Variants in IQSEC1 observed in about 807,000 individuals in gnomAD.
IQSEC1 encodes the protein IQ motif and Sec7 domain ArfGEF 1.
In IQSEC1, 31 loss-of-function variants were observed where a neutral mutation model predicts 91.0. The ratio of observed to expected loss-of-function variants is 0.34; its 90% CI spans 0.26 to 0.46. The LOEUF (loss-of-function observed/expected upper bound fraction) is 0.46, where lower values mean the gene tolerates loss of function less well. Among genes scored for constraint, IQSEC1 ranks in the 20% least tolerant of loss-of-function variants. IQSEC1 has a pLI of 1.00. For synonymous variants in IQSEC1, 699 were observed against 662.6 expected (o/e 1.05, Z -0.84); for missense variants, 1,388 against 1,575.6 (o/e 0.88, Z 2.02).
intron 1 of IQSEC1, among the ~76,000 whole-genome samples, chr3:13,033,389 A>G (rs1178020874): frequency 6.6e-6 from 1 of 152,160 alleles, no homozygotes. Flanking sequence ...TGGAAGTCAG[A>G]GCGAGGCGCA....
chr3:13,119,987 G>C (rs1322816870), intron 2 of IQSEC1, among the ~76,000 whole-genome samples: 2 of 152,208 alleles, frequency 1.3e-5, no homozygotes, highest in South Asian at 2.1e-4. Context: ...GTGGGCCACA[G>C]GGACCCAGAG....
At chr3:13,060,666 T>A (rs1007680026) in intron 1 of IQSEC1, among the ~76,000 whole-genome samples, 7 of 152,198 alleles carry the variant, frequency 4.6e-5, no homozygotes, top group African/African-American at 1.7e-4. Context: ...AAGCCACAGC[T>A]GCTGGGGCAG....
intron 2 of IQSEC1, among the ~76,000 whole-genome samples, chr3:13,121,640 C>G (rs1706424835): frequency 6.6e-6 from 1 of 152,204 alleles, no homozygotes; most frequent in African/African-American, 2.4e-5. Flanking sequence ...ATGCCTCGGG[C>G]AGCCAGGACC....
chr3:12,902,684 A>AAC, intron 13 of IQSEC1, 89 bp downstream of exon 13: 1 of 665,376 alleles, frequency 1.5e-6, no homozygotes, highest in Non-Finnish European at 2.5e-6. Flanking sequence ...AAAAAAAAAA[A>AAC]AAAAAAAAAA....
intron 1 of IQSEC1, among the ~76,000 whole-genome samples, chr3:12,943,248 G>A (rs920367774): frequency 1.3e-5 from 2 of 152,152 alleles, no homozygotes; most frequent in African/African-American, 4.8e-5. Flanking sequence ...TCCCTGCAAT[G>A]TGCACACATT....
chr3:13,195,669 C>G (rs1353632280), intron 1 of IQSEC1, among the ~76,000 whole-genome samples: 1 of 152,086 alleles, frequency 6.6e-6, no homozygotes, highest in Non-Finnish European at 1.5e-5. Flanking sequence ...CTTGCAATGA[C>G]AAAATTACAG....
chr3:13,127,184 A>C (rs1283102914), intron 2 of IQSEC1, among the ~76,000 whole-genome samples: 1 of 152,156 alleles, frequency 6.6e-6, no homozygotes, highest in African/African-American at 2.4e-5. Context: ...AGGCCGAGGC[A>C]GGTGGATCAC....
rs1173115603 is a variant in IQSEC1 at position 13,259,048 on chromosome 3, C to G, written c.272+23663G>C. On this transcript the variant is annotated intron_variant, in intron 1 of 15. Coordinates refer to the IQSEC1 transcript ENST00000648114. This position sits in a 1 kb window ranked among gnomAD's most constrained non-coding sequence, Gnocchi z 4.6. ...TCTTTCCCTATAGTCTATCTCACAC[C>G]ATGGCCAGAGAGGTCTCTCAACATG... Among the ~76,000 whole-genome samples the G allele has an allele frequency of 6.6e-6, 1 of 152,164 alleles. No individual in the cohort carries two copies. The highest frequency in any genetic ancestry group is 1.5e-5 in the Non-Finnish European group (1 of 68,028).
chr3:13,250,527 C>T (rs1477117684), intron 1 of IQSEC1, among the ~76,000 whole-genome samples: 1 of 151,732 alleles, frequency 6.6e-6, no homozygotes, highest in Non-Finnish European at 1.5e-5. Flanking sequence ...CCTCCACCCC[C>T]AGGTTCACAT....
intron 1 of IQSEC1, chr3:13,042,516 T>G (rs1704318577): frequency 6.6e-6 from 1 of 152,254 alleles, no homozygotes; most frequent in African/African-American, 2.4e-5. Context: ...CGGCGCAGCT[T>G]GTACAGTACA....
At chr3:13,113,946 C>T (rs1029597832) in intron 2 of IQSEC1, among the ~76,000 whole-genome samples, 5 of 152,258 alleles carry the variant, frequency 3.3e-5, no homozygotes, top group African/African-American at 1.2e-4. Flanking sequence ...CATGTCAAAA[C>T]GTGCTGGGAG....
intron 1 of IQSEC1, among the ~76,000 whole-genome samples, chr3:13,036,429 A>G (rs561655997): frequency 1.1e-4 from 17 of 152,256 alleles, no homozygotes; most frequent in Non-Finnish European, 2.2e-4. Flanking sequence ...AAACACTCAA[A>G]GAAAGTAATA....
At chr3:12,974,449 C>T (rs188050780) in intron 1 of IQSEC1, among the ~76,000 whole-genome samples, 314 of 152,354 alleles carry the variant, frequency 2.1e-3, no homozygotes, top group African/African-American at 6.8e-3. Context: ...TCCTGGTCCC[C>T]CTGCAGAGCC....
rs1337408972 is a variant in IQSEC1, at chr3:13,207,462, CT to C, written c.273-43330del. On this transcript the variant is annotated intron_variant, in intron 1 of 15. Transcript: ENST00000648114. This position sits in a 1 kb window ranked among gnomAD's most constrained non-coding sequence, Gnocchi z 4.8. ...CAGACCCCCTGCTGCCATTCTAACTCTCCCCATGACACAACCCGCCAGAGCA... is the reference window on the plus strand; with the variant it reads ...CAGACCCCCTGCTGCCATTCTAACTCCCCCATGACACAACCCGCCAGAGCA... Among the ~76,000 whole-genome samples, 1 of 152,142 alleles carries C rather than the reference CT, an allele frequency of 6.6e-6. No individual in the cohort carries two copies. The highest frequency in any genetic ancestry group is 1.5e-5 in the Non-Finnish European group (1 of 68,022).
At chr3:13,027,472 G>T (rs1414961882) in intron 1 of IQSEC1, among the ~76,000 whole-genome samples, 1 of 152,212 alleles carries the variant, frequency 6.6e-6, no homozygotes, top group Non-Finnish European at 1.5e-5. Flanking sequence ...GACCGCAAGG[G>T]GGCAATGGCC....
At chr3:13,216,161 T>C (rs1322728872) in intron 1 of IQSEC1, among the ~76,000 whole-genome samples, 2 of 152,234 alleles carry the variant, frequency 1.3e-5, no homozygotes, top group African/African-American at 2.4e-5. Flanking sequence ...GACACAGTCA[T>C]TGCACAAAGA....
rs75130489 is a variant in IQSEC1 at position 12,955,182 on chromosome 3, G to A, written c.24-13317C>T. 6.8e-3 allele frequency among the ~76,000 whole-genome samples: 1,032 copies of A among 152,334 alleles called. 17 individuals carry two copies. The highest frequency in any genetic ancestry group is 0.023 in the African/African-American group (972 of 41,574). ...CACCGTACAGACACATGCTCACTGT[G>A]CTGAAAACACTGTCCTGCAGGCCTC... is the stretch of plus-strand genomic sequence containing the variant. On this transcript the variant is annotated intron_variant, in intron 1 of 13. Coordinates refer to ENST00000613206, the MANE Select transcript of IQSEC1 (RefSeq NM_001134382.3).
chr3:12,902,654 A>C (rs1221815166), intron 13 of IQSEC1, 119 bp downstream of exon 13: 116 of 599,712 alleles, frequency 1.9e-4, no homozygotes, highest in Non-Finnish European at 2.9e-4. Context: ...AAAAAAAAAA[A>C]CAACAAAAAA....
chr3:13,038,266 AT>A (rs1704116316), intron 1 of IQSEC1, among the ~76,000 whole-genome samples: 1 of 47,130 alleles, frequency 2.1e-5, no homozygotes, highest in South Asian at 1.0e-3. Flanking sequence ...GTGTGTGTAT[AT>A]ATATATATAT....
Sources: gnomAD v4.1 joint callset for allele counts (sites outside exome capture counted in the v4.1 genomes callset) on GRCh38, gnomAD v4.1.1 for gene constraint, Gnocchi (gnomAD v3.1) non-coding constraint, MANE v1.5 for transcripts, NCBI Gene and HGNC (gene_info 2026-07-23, HGNC 2026-07-21) for gene names.